Variants in IL33 observed in about 807,000 individuals in gnomAD.
The protein encoded by IL33 is interleukin-33.
In IL33, 37 loss-of-function variants were observed where a neutral mutation model predicts 27.3. The ratio of observed to expected loss-of-function variants is 1.36; its 90% CI spans 1.04 to 1.78. IL33 has a LOEUF of 1.78. Ranked by LOEUF, IL33 falls within the 40% of genes most tolerant of loss-of-function variation. The probability of loss-of-function intolerance (pLI) is 0.00; values close to 1 mark genes in which losing one functional copy is unlikely to be tolerated. For missense variants in IL33, 406 were observed against 311.4 expected, an observed-to-expected ratio of 1.30 and a Z score of -2.29; for synonymous variants, 132 against 102.9, an observed-to-expected ratio of 1.28 and a Z score of -1.71.
At chr9:6,233,050 C>T (rs550935111) in intron 1 of IL33, among the ~76,000 whole-genome samples, 47 of 152,256 alleles carry the variant, frequency 3.1e-4, no homozygotes, top group African/African-American at 9.1e-4. Flanking sequence ...TTTAAGTGTA[C>T]GGTTCAGTGG....
chr9:6,234,715 G>T (rs1819095730), intron 1 of IL33, among the ~76,000 whole-genome samples: 1 of 151,756 alleles, frequency 6.6e-6, no homozygotes, highest in African/African-American at 2.4e-5. Context: ...TTTTGCCTGG[G>T]ATATTTTAAC....
chr9:6,223,356 A>G (rs1440657582), intron 1 of IL33, among the ~76,000 whole-genome samples: 2 of 152,022 alleles, frequency 1.3e-5, no homozygotes, highest in Non-Finnish European at 1.5e-5. Flanking sequence ...TAACAGTACT[A>G]TTACTGGTAA....
chr9:6,249,858 C>T (rs968204068), intron 2 of IL33, among the ~76,000 whole-genome samples: 1 of 152,124 alleles, frequency 6.6e-6, no homozygotes, highest in African/African-American at 2.4e-5. Flanking sequence ...ATTAGCACAG[C>T]GTTTGGCCCA....
chr9:6,219,834 A>T, intron 1 of IL33, among the ~76,000 whole-genome samples: 1 of 152,216 alleles, frequency 6.6e-6, no homozygotes, highest in East Asian at 1.9e-4. Flanking sequence ...AAATTGAGAC[A>T]GTGGGATTTG....
intron 5 of IL33, among the ~76,000 whole-genome samples, 183 bp from the exon 6 acceptor site, chr9:6,253,368 TA>T (rs1449174650): frequency 6.6e-6 from 1 of 152,182 alleles, no homozygotes; most frequent in Non-Finnish European, 1.5e-5. Context: ...TAATAACAAC[TA>T]TATTGGAGAA....
chr9:6,225,016 C>T (rs1351928671), intron 1 of IL33, among the ~76,000 whole-genome samples: 3 of 152,124 alleles, frequency 2.0e-5, no homozygotes, highest in African/African-American at 7.2e-5. Flanking sequence ...CTGAGATTTG[C>T]ACCCACCTCT....
intron 1 of IL33, among the ~76,000 whole-genome samples, chr9:6,236,778 G>A (rs1235688872): frequency 6.6e-6 from 1 of 152,216 alleles, no homozygotes; most frequent in Non-Finnish European, 1.5e-5. Context: ...GGCTGAGACA[G>A]AAGAATTGCT....
chr9:6,249,079 A>G (rs1039286327), intron 2 of IL33, among the ~76,000 whole-genome samples: 2 of 152,208 alleles, frequency 1.3e-5, no homozygotes, highest in Non-Finnish European at 2.9e-5. Context: ...ACAAGATACC[A>G]CCGTTGATAT....
At chr9:6,255,166 G>C (rs1453338718) in intron 7 of IL33, among the ~76,000 whole-genome samples, 8 of 152,070 alleles carry the variant, frequency 5.3e-5, no homozygotes, top group Non-Finnish European at 1.0e-4. Context: ...GTCATGATGT[G>C]TAATTATAAC....
chr9:6,243,209 A>G (rs946279602), intron 2 of IL33, among the ~76,000 whole-genome samples: 3 of 152,174 alleles, frequency 2.0e-5, no homozygotes, highest in Non-Finnish European at 4.4e-5. Context: ...AATGATGCTC[A>G]AGTCTATCTA....
chr9:6,255,029 A>G (rs1484709036), intron 7 of IL33, among the ~76,000 whole-genome samples: 4 of 152,142 alleles, frequency 2.6e-5, no homozygotes, highest in Non-Finnish European at 5.9e-5. Flanking sequence ...TTCCATTCTG[A>G]GCCTGCTTAA....
At chr9:6,253,492 G>T in intron 5 of IL33, 60 bp from the exon 6 acceptor site, 1 of 1,142,626 alleles carries the variant, frequency 8.8e-7, no homozygotes, top group Non-Finnish European at 1.3e-6. Flanking sequence ...TGTGTGTGTT[G>T]GAACTGAAAA....
chr9:6,235,218 T>A (rs907631086), intron 1 of IL33, among the ~76,000 whole-genome samples: 29 of 152,080 alleles, frequency 1.9e-4, no homozygotes, highest in African/African-American at 6.8e-4. Flanking sequence ...TTTTTAAAAA[T>A]TTTTTCTGTA....
chr9:6,254,629 G>C, intron 7 of IL33, 76 bp downstream of exon 7: 1 of 819,568 alleles, frequency 1.2e-6, no homozygotes, highest in Non-Finnish European at 1.8e-6. Flanking sequence ...AACTTGTGTA[G>C]ATTTGGGTGT....
At chr9:6,231,407 C>T (rs962783588) in intron 1 of IL33, among the ~76,000 whole-genome samples, 1 of 152,180 alleles carries the variant, frequency 6.6e-6, no homozygotes, top group Non-Finnish European at 1.5e-5. Flanking sequence ...GGCTTCTGTC[C>T]ATCTCAGGGC....
chr9:6,226,244 G>C (rs955538911), intron 1 of IL33, among the ~76,000 whole-genome samples: 2 of 151,822 alleles, frequency 1.3e-5, no homozygotes, highest in Non-Finnish European at 2.9e-5. Flanking sequence ...AAAACTCCTG[G>C]TCTCAAGAGA....
chr9:6,247,031 A>G (rs1819898362), intron 2 of IL33, among the ~76,000 whole-genome samples: 1 of 152,204 alleles, frequency 6.6e-6, no homozygotes, highest in Admixed American at 6.5e-5. Context: ...GGTCAAAATG[A>G]CTTGGGGAGA....
chr9:6,254,758 A>G (rs1436457688), intron 7 of IL33, among the ~76,000 whole-genome samples: 2 of 152,114 alleles, frequency 1.3e-5, no homozygotes, highest in East Asian at 1.9e-4. Context: ...TGGCTTTGCT[A>G]TTGAAAGTCT....
intron 1 of IL33, among the ~76,000 whole-genome samples, chr9:6,235,874 G>C (rs527999959): frequency 6.6e-6 from 1 of 152,224 alleles, no homozygotes; most frequent in East Asian, 1.9e-4. Context: ...CAAGTTTTTG[G>C]AAGTCAATTC....
Sources: allele counts gnomAD v4.1 joint callset (sites outside exome capture counted in the v4.1 genomes callset), GRCh38; gene constraint gnomAD v4.1.1; transcripts MANE v1.5; gene names NCBI Gene and HGNC (gene_info 2026-07-23, HGNC 2026-07-21).